The following LRP8 variants were observed in gnomAD, a reference collection of about 807,000 sequenced individuals.
The protein encoded by LRP8 is LDL receptor related protein 8.
Under a neutral mutation model 111.6 loss-of-function variants are expected in LRP8, and 46 were observed. That is an observed-to-expected ratio of 0.41 (90% confidence interval 0.33 to 0.53). LRP8 has a LOEUF of 0.53. Ranked by LOEUF, LRP8 falls within the 20% of genes least tolerant of loss-of-function variation. LRP8 has a pLI of 0.20. For synonymous variants in LRP8, 464 were observed against 511.2 expected (o/e 0.91, Z 1.24); for missense variants, 959 against 1,297.4 (o/e 0.74, Z 4.01).
At chr1:53,265,325 C>G (rs1646510808) in intron 9 of LRP8, among the ~76,000 whole-genome samples, 1 of 152,176 alleles carries the variant, frequency 6.6e-6, no homozygotes, top group Non-Finnish European at 1.5e-5. Flanking sequence ...GCAAAGCTAA[C>G]TAGCTCCCCT....
At chr1:53,295,361 C>T (rs1649504131) in intron 2 of LRP8, among the ~76,000 whole-genome samples, 1 of 152,268 alleles carries the variant, frequency 6.6e-6, no homozygotes, top group African/African-American at 2.4e-5. Flanking sequence ...CCTGGAGCTC[C>T]ACCAGGCCAG....
In LRP8 at chr1:53,316,888, G is replaced by A. The variant is rs191726029; in HGVS notation, c.244+9985C>T. Among the ~76,000 whole-genome samples, 23 of 152,306 alleles carry A rather than the reference G, an allele frequency of 1.5e-4. No individual in the cohort carries two copies. The East Asian group carries it at 1.7e-3, about 12-fold the overall frequency. On this transcript the variant is annotated intron_variant, in intron 2 of 18. Transcript: ENST00000306052. ...CAGGCCAGGAAGAGAGACTGCTGGCGCCTCTCCAGCTACAAATCATTCCCC... is the reference window on the plus strand; with the variant it reads ...CAGGCCAGGAAGAGAGACTGCTGGCACCTCTCCAGCTACAAATCATTCCCC...
chr1:53,271,265 G>C lies in LRP8; in HGVS notation c.1088C>G (p.Pro363Arg). 6.2e-7 allele frequency: 1 copy of C among 1,613,890 alleles called. No individual in the cohort carries two copies. Among genetic ancestry groups the C allele is most frequent in the Non-Finnish European group, 8.5e-7 (1 of 1,179,978 alleles). ...CTGGTCCAGGAGCTGGAAGCCTGCTGGGCACGTGCATTCAAAGCCAATCTT... is the reference window on the plus strand; with the variant it reads ...CTGGTCCAGGAGCTGGAAGCCTGCTCGGCACGTGCATTCAAAGCCAATCTT... ...DLKIGFECTC[P>R]AGFQLLDQKT... The change falls in exon 7 of 19, where the codon CCA becomes CGA. Residue 363 changes from proline to arginine, a missense_variant. Pro to Arg is a moderately radical substitution (Grantham distance 103). This residue lies in a region of LRP8 where 819 missense variants were observed against 1,097.6 expected (regional missense o/e 0.75). Transcript: ENST00000306052.
intron 2 of LRP8, among the ~76,000 whole-genome samples, chr1:53,298,615 A>G (rs992325131): frequency 2.0e-5 from 3 of 152,200 alleles, no homozygotes; most frequent in Admixed American, 6.5e-5. Context: ...GCCAGAAGGC[A>G]AGGCCAGGAG....
At position 53,296,836 on chromosome 1, in the gene LRP8, G is replaced by A. The variant is rs551744686; in HGVS notation, c.245-7147C>T. ...CAGAGCCACCCTCTCAGGCTGTGGC[G>A]GGTCCTGGCATGGAGCTGGGGCTCA... On this transcript the variant is annotated intron_variant, in intron 2 of 18. Coordinates refer to ENST00000306052, the MANE Select transcript of LRP8 (RefSeq NM_004631.5). Among the ~76,000 whole-genome samples the A allele has an allele frequency of 9.9e-4, 151 of 152,304 alleles. 3 individuals are homozygous for A. The highest frequency in any genetic ancestry group is 3.4e-3 in the African/African-American group (143 of 41,578).
chr1:53,270,899 G>A (rs564755527), intron 8 of LRP8, 129 bp downstream of exon 8: 65 of 1,355,602 alleles, frequency 4.8e-5, no homozygotes, highest in Middle Eastern at 5.2e-4. Flanking sequence ...GAGGATTCCC[G>A]TACCTCTCAG....
chr1:53,258,289 G>C (rs1557756038), intron 14 of LRP8, 30 bp downstream of exon 14: 1 of 1,605,348 alleles, frequency 6.2e-7, no homozygotes, highest in Non-Finnish European at 8.5e-7. Context: ...GACACTGCCA[G>C]GGGCCATCCC....
chr1:53,245,194 T>C lies in LRP8; in HGVS notation c.*1824A>G, dbSNP rs1166486573. ...CAAGCTGGTGAGACATCCAACTTCA[T>C]TGAGTTGGGGGCATCTGGCAGGTAG... On this transcript the variant is annotated 3_prime_UTR_variant, in exon 19 of 19. Transcript: ENST00000306052. 6.6e-6 allele frequency: 1 copy of C among 152,350 alleles called. No individual in the cohort carries two copies. The highest frequency in any genetic ancestry group is 1.9e-4 in the East Asian group (1 of 5,192). 9.4% of individuals were successfully genotyped at this position (152,350 alleles called of 1,614,324 possible).
At chr1:53,305,310 C>G (rs1651731636) in intron 2 of LRP8, 1 of 152,202 alleles carries the variant, frequency 6.6e-6, no homozygotes, top group Admixed American at 6.5e-5. Flanking sequence ...GTTGCTAGAT[C>G]ACGTCTATCA....
Position 53,255,114 on chromosome 1 carries a change from C to T in LRP8, c.2503+3G>A, listed in dbSNP as rs765676109. The T allele has an allele frequency of 3.1e-6, 5 of 1,613,212 alleles. No individual in the cohort carries two copies. Among genetic ancestry groups the T allele is most frequent in the South Asian group, 1.1e-5 (1 of 91,062 alleles). ...CTCTTCAGTGACTGGGGGCCACACT[C>T]ACCTATGGGCACGATGATCCCGATA... On this transcript the variant is annotated splice_donor_region_variant and intron_variant, in intron 16 of 18. Transcript: ENST00000306052.
intron 2 of LRP8, among the ~76,000 whole-genome samples, chr1:53,311,469 A>T (rs1572665118): frequency 6.6e-6 from 1 of 151,384 alleles, no homozygotes; most frequent in African/African-American, 2.4e-5. Flanking sequence ...CCCTCCCCCA[A>T]CTCTGCCCGC....
intron 3 of LRP8, among the ~76,000 whole-genome samples, chr1:53,284,849 T>G (rs1647317806): frequency 6.6e-6 from 1 of 152,162 alleles, no homozygotes; most frequent in South Asian, 2.1e-4. Context: ...GTCACACTGA[T>G]GAACATCCCT....
chr1:53,326,041 G>A (rs1572711289), intron 2 of LRP8, among the ~76,000 whole-genome samples: 1 of 152,256 alleles, frequency 6.6e-6, no homozygotes, highest in South Asian at 2.1e-4. Flanking sequence ...AAGGCGGCCG[G>A]CAGCCGTTTC....
rs139330460 is a variant in LRP8, at chr1:53,297,114, C to T, written c.245-7425G>A. On this transcript the variant is annotated intron_variant, in intron 2 of 18. Transcript: ENST00000306052. The stretch of plus-strand genomic sequence containing the variant: ...GGACATGTGATGTTCCTAAAGCCCT[C>T]AGTTTAAAGATCCCGTGGGTCCATT... 4.1e-3 allele frequency among the ~76,000 whole-genome samples: 629 copies of T among 152,252 alleles called. 11 individuals carry two copies. Among genetic ancestry groups the T allele is most frequent in the African/African-American group, 0.014 (582 of 41,528 alleles).
chr1:53,283,230 A>G (rs1383433387), intron 3 of LRP8, among the ~76,000 whole-genome samples: 1 of 152,066 alleles, frequency 6.6e-6, no homozygotes, highest in Non-Finnish European at 1.5e-5. Context: ...GGATGAAGCA[A>G]GGAGGTGCAG....
chr1:53,310,079 C>A (rs1378679204), intron 2 of LRP8, among the ~76,000 whole-genome samples: 1 of 152,138 alleles, frequency 6.6e-6, no homozygotes, highest in Non-Finnish European at 1.5e-5. Context: ...CACACCCTGG[C>A]CTTCAGGGGG....
chr1:53,306,627 C>T (rs570782764), intron 2 of LRP8, among the ~76,000 whole-genome samples: 4 of 152,282 alleles, frequency 2.6e-5, no homozygotes, highest in African/African-American at 9.6e-5. Context: ...ACTTCACTGC[C>T]ATGAGCCATG....
chr1:53,278,723 T>C (rs1444544379), intron 4 of LRP8, among the ~76,000 whole-genome samples: 2 of 150,940 alleles, frequency 1.3e-5, no homozygotes, highest in African/African-American at 2.4e-5. Flanking sequence ...GAGGGTGGAC[T>C]CACTGCTTTC....
rs148138156 is a variant in LRP8 at position 53,298,774 on chromosome 1, A to C, written c.245-9085T>G. The stretch of plus-strand genomic sequence containing the variant: ...GGCCCCCTGGGGCTGATGGGTCCAC[A>C]GCTCCGCCTCCCTTGGGCAGGCTGA... On this transcript the variant is annotated intron_variant, in intron 2 of 18. Transcript: ENST00000306052. Among the ~76,000 whole-genome samples the C allele has an allele frequency of 4.4e-3, 663 of 152,336 alleles. 7 individuals are homozygous for C. The highest frequency in any genetic ancestry group is 0.015 in the African/African-American group (632 of 41,592).
Sources: gnomAD v4.1 joint callset for allele counts (sites outside exome capture counted in the v4.1 genomes callset) on GRCh38, gnomAD v4.1.1 for gene constraint, gnomAD v4.1.1 regional missense constraint, MANE v1.5 for transcripts, NCBI Gene and HGNC (gene_info 2026-07-23, HGNC 2026-07-21) for gene names.